PCDHAC1: variants seen among roughly 807,000 people sequenced by gnomAD.
The protein encoded by PCDHAC1 is protocadherin alpha-C1.
Under a neutral mutation model 60.0 loss-of-function variants are expected in PCDHAC1, and 42 were observed. The observed-to-expected ratio is 0.70, with a 90% CI of 0.55 to 0.90. PCDHAC1 has a LOEUF of 0.90. PCDHAC1 is among the 40% of genes least tolerant of loss of function. PCDHAC1 has a pLI of 0.00. For synonymous variants in PCDHAC1, 468 were observed against 499.3 expected (o/e 0.94, Z 0.84); for missense variants, 1,160 against 1,222.3 (o/e 0.95, Z 0.76).
In PCDHAC1 at chr5:140,928,467, A is replaced by G. The variant is rs782319281; in HGVS notation, c.1575A>G (p.Val525=). ...AGCTCAGGGGGTTTCATTTCCAAGT[A>G]GAAGGCCGGGATGGTGGCATTCCTC... ...FEQLRGFHFQ[V]EGRDGGIPPR... Residue 525 remains valine (V), a synonymous_variant, in exon 1 of 4, where the codon GTA becomes GTG. Coordinates refer to ENST00000253807, the MANE Select transcript of PCDHAC1 (RefSeq NM_018898.5). The G allele has an allele frequency of 6.2e-7, 1 of 1,614,142 alleles. No individual in the cohort carries two copies. The highest frequency in any genetic ancestry group is 1.1e-5 in the South Asian group (1 of 91,082).
intron 1 of PCDHAC1, among the ~76,000 whole-genome samples, chr5:140,936,532 A>G (rs1431070462): frequency 6.6e-6 from 1 of 152,222 alleles, no homozygotes; most frequent in East Asian, 1.9e-4. Context: ...ATTGCTTTTG[A>G]ATATAGTGCA....
chr5:141,003,104 C>G (rs1447493860), intron 3 of PCDHAC1, among the ~76,000 whole-genome samples: 1 of 152,236 alleles, frequency 6.6e-6, no homozygotes, highest in East Asian at 1.9e-4. Context: ...ATTTGCTTCA[C>G]AATCTTCTGG....
chr5:140,946,766 G>A (rs1554217856), intron 1 of PCDHAC1, among the ~76,000 whole-genome samples: 1 of 151,394 alleles, frequency 6.6e-6, no homozygotes, highest in South Asian at 2.1e-4. Flanking sequence ...TCTCATTCAT[G>A]TGGAATGTAA....
rs1377792748 is a variant in PCDHAC1 at position 140,968,353 on chromosome 5, C to T, written c.2434-10596C>T. ...ATGTCTCCATTAACAGTGCCAGTGGCAGCCTTTATGCTGTCAACTCCTTTG... is the reference window on the plus strand; with the variant it reads ...ATGTCTCCATTAACAGTGCCAGTGGTAGCCTTTATGCTGTCAACTCCTTTG... On this transcript the variant is annotated intron_variant, in intron 1 of 3. Coordinates refer to ENST00000253807, the MANE Select transcript of PCDHAC1 (RefSeq NM_018898.5). 1.9e-6 allele frequency: 3 copies of T among 1,613,988 alleles called. No individual in the cohort carries two copies. In the African/African-American group the frequency reaches 4.0e-5, roughly 22 times the overall value.
intron 1 of PCDHAC1, among the ~76,000 whole-genome samples, chr5:140,934,086 G>C (rs540895208): frequency 1.3e-5 from 2 of 151,872 alleles, no homozygotes; most frequent in Admixed American, 1.3e-4. Context: ...TCGCTTTGTT[G>C]TATGTTTGCT....
At chr5:140,967,879 T>C in intron 1 of PCDHAC1, 1 of 1,614,104 alleles carries the variant, frequency 6.2e-7, no homozygotes, top group Non-Finnish European at 8.5e-7. Context: ...CGGACCTGTA[T>C]AGCCCAGTGC....
At chr5:140,950,195 C>A (rs186601471) in intron 1 of PCDHAC1, among the ~76,000 whole-genome samples, 1 of 152,028 alleles carries the variant, frequency 6.6e-6, no homozygotes, top group Non-Finnish European at 1.5e-5. Context: ...AAAAAATAGT[C>A]ATTTCTGTTT....
intron 1 of PCDHAC1, among the ~76,000 whole-genome samples, chr5:140,955,521 TC>T (rs2095199105): frequency 6.6e-6 from 1 of 152,142 alleles, no homozygotes; most frequent in Non-Finnish European, 1.5e-5. Context: ...TGCTTTCCCT[TC>T]CACCATGATT....
intron 1 of PCDHAC1, among the ~76,000 whole-genome samples, chr5:140,937,632 G>T (rs1228752133): frequency 1.3e-5 from 2 of 150,132 alleles, no homozygotes; most frequent in Admixed American, 1.3e-4. Flanking sequence ...AAAAAGAAAG[G>T]CAGGGCATGG....
Position 140,927,596 on chromosome 5 carries a change from G to T in PCDHAC1, c.704G>T (p.Arg235Leu). 1 of 1,614,162 alleles carries T rather than the reference G, an allele frequency of 6.2e-7. No homozygotes were observed. The highest frequency in any genetic ancestry group is 8.5e-7 in the Non-Finnish European group (1 of 1,180,024). ...AATGACAACGCGCCTGTATTTGAGC[G>T]CTCCGTATACCGCACCAAGGTTCCA... ...DTNDNAPVFE[R>L]SVYRTKVPET... The change falls in exon 1 of 4, where the codon CGC (arginine) becomes CTC (leucine). Residue 235 changes from arginine to leucine, a missense_variant. Arg to Leu is a moderately radical substitution (Grantham distance 102). Transcript: ENST00000253807.
chr5:140,953,607 G>A (rs1040886184), intron 1 of PCDHAC1, among the ~76,000 whole-genome samples: 21 of 152,152 alleles, frequency 1.4e-4, no homozygotes, highest in African/African-American at 4.8e-4. Flanking sequence ...ATTCCCCAGA[G>A]TCCTTAGATA....
chr5:140,996,705 CTT>C (rs1222604793), intron 3 of PCDHAC1, among the ~76,000 whole-genome samples: 3 of 152,108 alleles, frequency 2.0e-5, no homozygotes, highest in African/African-American at 7.2e-5. Flanking sequence ...ACCTCTATCT[CTT>C]TGATTTAATT....
chr5:140,967,204 G>C, intron 1 of PCDHAC1: 10 of 1,613,634 alleles, frequency 6.2e-6, no homozygotes, highest in Non-Finnish European at 8.5e-6. Context: ...ACAACTCACC[G>C]CGTTTCCCGC....
chr5:140,933,645 G>A lies in PCDHAC1; in HGVS notation c.2433+4320G>A, dbSNP rs1014286392. Among the ~76,000 whole-genome samples the A allele has an allele frequency of 3.3e-5, 5 of 151,892 alleles. No individual in the cohort carries two copies. The South Asian group carries it at 8.3e-4, about 25-fold the overall frequency. On this transcript the variant is annotated intron_variant, in intron 1 of 3. Transcript: ENST00000253807. ...TAGGCTGGCCCTGTTAAACAAGTTG[G>A]AAATCCTGTCTCTCTCTCTGTCTCT...
chr5:140,967,922 G>T (rs782146005), intron 1 of PCDHAC1: 1 of 1,614,198 alleles, frequency 6.2e-7, no homozygotes, highest in South Asian at 1.1e-5. Flanking sequence ...CATTGTGGCC[G>T]TTCTCAGTGT....
In PCDHAC1 at chr5:141,010,994, G is replaced by A. The variant is rs1338532762; in HGVS notation, c.*1057G>A. ...TTTAAGAGAATTGCCTGAAACATCTGTATTATATCGGCCACCTGCCAATCA... is the reference window on the plus strand; with the variant it reads ...TTTAAGAGAATTGCCTGAAACATCTATATTATATCGGCCACCTGCCAATCA... On this transcript the variant is annotated 3_prime_UTR_variant, in exon 4 of 4. Transcript: ENST00000253807. The A allele has an allele frequency of 6.5e-6, 1 of 153,710 alleles. No homozygotes were observed. The highest frequency in any genetic ancestry group is 1.5e-5 in the Non-Finnish European group (1 of 68,046). The allele number at this position is 153,710 out of a possible 1,614,324, so 9.5% of individuals were successfully genotyped here.
intron 2 of PCDHAC1, among the ~76,000 whole-genome samples, chr5:140,981,925 T>C (rs2096957903): frequency 1.3e-5 from 2 of 152,160 alleles, no homozygotes; most frequent in South Asian, 2.1e-4. Flanking sequence ...CAAGTTTCTC[T>C]AGTCTCAGGA....
At chr5:140,979,120 T>A in intron 2 of PCDHAC1, 113 bp downstream of exon 2, 1 of 1,497,648 alleles carries the variant, frequency 6.7e-7, no homozygotes, top group Non-Finnish European at 8.9e-7. Flanking sequence ...CTTTAGGTAC[T>A]TTGCCAGGAA....
chr5:141,004,809 C>A (rs1319049687), intron 3 of PCDHAC1, among the ~76,000 whole-genome samples: 1 of 152,144 alleles, frequency 6.6e-6, no homozygotes. Context: ...AGCTCAATTG[C>A]AGATTTGATT....
Sources: allele counts gnomAD v4.1 joint callset (sites outside exome capture counted in the v4.1 genomes callset), GRCh38; gene constraint gnomAD v4.1.1; transcripts MANE v1.5; gene names NCBI Gene and HGNC (gene_info 2026-07-23, HGNC 2026-07-21).